The following LLGL2 variants were observed in gnomAD, a reference collection of about 807,000 sequenced individuals.
LLGL2 encodes LLGL scribble cell polarity complex component 2.
In LLGL2, 81 loss-of-function variants were observed where a neutral mutation model predicts 123.2. The ratio of observed to expected loss-of-function variants is 0.66; its 90% CI spans 0.55 to 0.79. LLGL2 has a LOEUF of 0.79. Among genes scored for constraint, LLGL2 ranks in the 30% least tolerant of loss-of-function variants. The pLI is 0.00. For missense variants in LLGL2, 1,273 were observed against 1,414.6 expected (o/e 0.90, Z 1.61); for synonymous variants, 577 against 594.1 (o/e 0.97, Z 0.42).
chr17:75,555,857 A>G (rs1272430607), intron 2 of LLGL2, among the ~76,000 whole-genome samples, 189 bp from the exon 3 acceptor site: 2 of 151,916 alleles, frequency 1.3e-5, no homozygotes, highest in Non-Finnish European at 2.9e-5. Flanking sequence ...CCAAGGGCAG[A>G]GTCACAAAGG....
intron 1 of LLGL2, among the ~76,000 whole-genome samples, chr17:75,537,683 C>T (rs2054056674): frequency 6.6e-6 from 1 of 150,940 alleles, no homozygotes; most frequent in Admixed American, 6.6e-5. Context: ...GGCGACAGAG[C>T]GAGACTCCAT....
At chr17:75,571,811 GTGCTCGGGCTGCCTGGGC>G in intron 18 of LLGL2, 28 bp downstream of exon 18, 1 of 1,603,234 alleles carries the variant, frequency 6.2e-7, no homozygotes, top group Non-Finnish European at 8.5e-7. Context: ...AGAGCAGAGG[GTGCTCGGGCTGCCTGGGC>G]TGGGTCCAGG....
chr17:75,550,381 A>T (rs1036867193), intron 2 of LLGL2, among the ~76,000 whole-genome samples: 2 of 146,096 alleles, frequency 1.4e-5, no homozygotes, highest in East Asian at 2.1e-4. Flanking sequence ...ACAAGGGGGG[A>T]GTCACCACCT....
At chr17:75,551,831 T>C (rs1024986649) in intron 2 of LLGL2, among the ~76,000 whole-genome samples, 1 of 152,190 alleles carries the variant, frequency 6.6e-6, no homozygotes, top group Non-Finnish European at 1.5e-5. Flanking sequence ...TGAAATTAAT[T>C]TTAATTATAT....
chr17:75,571,122 G>A lies in LLGL2; in HGVS notation c.2176+22G>A, dbSNP rs28520001. The stretch of plus-strand genomic sequence containing the variant: ...GACAGTGAGTGGCCAGCCTGGGGTT[G>A]GGGGGCAGGGGGTAGTGGGCAGCAG... On this transcript the variant is annotated intron_variant, in intron 17 of 25. Coordinates refer to ENST00000392550, the MANE Select transcript of LLGL2 (RefSeq NM_001031803.2). 157 of 1,583,240 alleles carry A rather than the reference G, an allele frequency of 9.9e-5. 1 individual carries two copies. The South Asian group carries it at 1.7e-3, about 17-fold the overall frequency.
In LLGL2 at chr17:75,573,163, G is replaced by A; in HGVS notation, c.2610G>A (p.Leu870=). 1 of 1,613,106 alleles carries A rather than the reference G, an allele frequency of 6.2e-7. No individual in the cohort carries two copies. The highest frequency in any genetic ancestry group is 8.5e-7 in the Non-Finnish European group (1 of 1,179,968). ...ACCACCTGGCAGTCCTTACCAACCT[G>A]GGCGACATCCAGGTGGTCTCGCTGC... ...GEHHLAVLTN[L]GDIQVVSLPL... Residue 870 remains leucine, a synonymous_variant, in exon 20 of 26, where the codon CTG becomes CTA. Transcript: ENST00000392550.
At chr17:75,551,001 T>G (rs2054648186) in intron 2 of LLGL2, among the ~76,000 whole-genome samples, 1 of 152,140 alleles carries the variant, frequency 6.6e-6, no homozygotes, top group African/African-American at 2.4e-5. Flanking sequence ...CTTGGGCTTC[T>G]CATAACTAAC....
chr17:75,534,920 A>G (rs1247493155), intron 1 of LLGL2, among the ~76,000 whole-genome samples: 1 of 152,186 alleles, frequency 6.6e-6, no homozygotes, highest in Non-Finnish European at 1.5e-5. Context: ...CCCTTTTACT[A>G]CTTAATTAAC....
chr17:75,554,893 A>C (rs1386783578), intron 2 of LLGL2, among the ~76,000 whole-genome samples: 2 of 149,570 alleles, frequency 1.3e-5, no homozygotes, highest in Non-Finnish European at 3.0e-5. Context: ...CGTCTCAAAA[A>C]AAAAAAAAAA....
Position 75,556,096 on chromosome 17 carries a change from G to A in LLGL2, c.126G>A (p.Pro42=), listed in dbSNP as rs146029134. The change falls in exon 3 of 26, where the codon CCG becomes CCA. Residue 42 remains proline, a synonymous_variant. Coordinates refer to ENST00000392550, the MANE Select transcript of LLGL2 (RefSeq NM_001031803.2). Reference sequence around the variant, plus strand: ...AGCCCAGCGCCCTCGGCTACAGCCCGTCCCTGCGCATCCTGGCCATCGGCA... The same window carrying A: ...AGCCCAGCGCCCTCGGCTACAGCCCATCCCTGCGCATCCTGGCCATCGGCA... ...PHQPSALGYS[P]SLRILAIGTR... is the part of the protein sequence containing the mutation. 307 of 1,610,256 alleles carry A rather than the reference G, an allele frequency of 1.9e-4. 1 individual carries two copies. Among genetic ancestry groups the A allele is most frequent in the African/African-American group, 1.6e-3 (123 of 75,058 alleles).
rs1443450549 is a variant in LLGL2 at position 75,570,946 on chromosome 17, G to T, written c.2026-4G>T. 1.2e-6 allele frequency: 2 copies of T among 1,605,022 alleles called. No homozygotes were observed. Among genetic ancestry groups the T allele is most frequent in the Non-Finnish European group, 1.7e-6 (2 of 1,175,330 alleles). ...TGACCCTTAGGCTGGCCCACCCCTT[G>T]CAGGCACAGGAGGGGAGTGCCAAGG... On this transcript the variant is annotated splice_polypyrimidine_tract_variant and splice_region_variant and intron_variant, in intron 16 of 25. Coordinates refer to ENST00000392550, the MANE Select transcript of LLGL2 (RefSeq NM_001031803.2).
rs1052446458 is a variant in LLGL2, at chr17:75,532,796, C to T, written c.-31+6971C>T. On this transcript the variant is annotated intron_variant, in intron 1 of 25. Transcript: ENST00000392550. ...GGGGTCCTGGAGCTTTGGTTAAAGG[C>T]AGGGTCCACAAGGGTATTCCGAACA... Among the ~76,000 whole-genome samples the T allele has an allele frequency of 2.0e-5, 3 of 152,170 alleles. No individual in the cohort carries two copies. The East Asian group carries it at 5.8e-4, about 29-fold the overall frequency.
chr17:75,568,483 C>T lies in LLGL2; in HGVS notation c.1044C>T (p.Asp348=), dbSNP rs576504796. ...CCTTGCCCTGTACCCCAGCCTTTGA[C>T]GACCCCTATGCCCTGGTGGTGCTGG... The part of the protein sequence containing the change: ...LTEADPAATF[D]DPYALVVLAE... The change falls in exon 11 of 26, where the codon GAC becomes GAT. Residue 348 remains aspartate, a synonymous_variant. Transcript: ENST00000392550. 1.6e-4 allele frequency: 252 copies of T among 1,612,342 alleles called. 3 individuals carry two copies. The South Asian group carries it at 2.3e-3, about 14-fold the overall frequency.
rs767945152 is a variant in LLGL2, at chr17:75,563,032, C to T, written c.547C>T (p.Arg183Cys). The T allele has an allele frequency of 7.4e-6, 12 of 1,612,398 alleles. No homozygotes were observed. The highest frequency in any genetic ancestry group is 6.7e-5 in the East Asian group (3 of 44,878). ...AVLQRLPEEA[R>C]HRRVFEMVEA... Reference sequence around the variant, plus strand: ...CTCGCCCAGGTTGCCAGAGGAGGCCCGCCACCGGCGTGTGTTCGAGATGGT... The same window carrying T: ...CTCGCCCAGGTTGCCAGAGGAGGCCTGCCACCGGCGTGTGTTCGAGATGGT... The change falls in exon 7 of 26, where the codon CGC becomes TGC. Residue 183 changes from arginine to cysteine, a missense_variant. Physicochemically the swap from Arg to Cys is radical, Grantham distance 180. Transcript: ENST00000392550.
chr17:75,568,627 C>T lies in LLGL2; in HGVS notation c.1188C>T (p.Ile396=). 1 of 1,613,950 alleles carries T rather than the reference C, an allele frequency of 6.2e-7. No individual in the cohort carries two copies. Among genetic ancestry groups the T allele is most frequent in the Non-Finnish European group, 8.5e-7 (1 of 1,180,018 alleles). The change falls in exon 11 of 26, where the codon ATC becomes ATT. Residue 396 remains isoleucine, a synonymous_variant. Transcript: ENST00000392550. ...AITCSHHVSN[I]PLKLWERIIA... Reference sequence around the variant, plus strand: ...CCTGCTCTCACCACGTCTCCAACATCCCGCTGAAGCTGTGGGAGCGGATCA... The same window carrying T: ...CCTGCTCTCACCACGTCTCCAACATTCCGCTGAAGCTGTGGGAGCGGATCA...
At chr17:75,562,028 A>G (rs1443870863) in intron 6 of LLGL2, among the ~76,000 whole-genome samples, 1 of 152,190 alleles carries the variant, frequency 6.6e-6, no homozygotes, top group South Asian at 2.1e-4. Context: ...TGTGCCAGAT[A>G]TAGATAATGT....
intron 1 of LLGL2, among the ~76,000 whole-genome samples, chr17:75,526,364 C>G (rs141206038): frequency 6.6e-6 from 1 of 152,250 alleles, no homozygotes; most frequent in Non-Finnish European, 1.5e-5. Flanking sequence ...CGGCCTTTCT[C>G]CAGCTGGGGC....
Position 75,564,655 on chromosome 17 carries a change from GA to G in LLGL2, c.1036+149del. The G allele has an allele frequency of 7.4e-7, 1 of 1,350,806 alleles. No individual in the cohort carries two copies. The highest frequency in any genetic ancestry group is 1.0e-6 in the Non-Finnish European group (1 of 1,003,678). The allele number at this position is 1,350,806 out of a possible 1,614,324, so 83.7% of individuals were successfully genotyped here. A position where few individuals can be genotyped will look rare whatever the true frequency, so the allele number is the denominator to read the frequency against. ...AGGTGGTAGGATCGCTTGAACCCAG[GA>G]GTTCAAGTCCAGCCTGGACAACGTA... is the stretch of plus-strand genomic sequence containing the variant. On this transcript the variant is annotated intron_variant, in intron 10 of 25. Transcript: ENST00000392550. The surrounding 1 kb of genome is among the most constrained non-coding windows in gnomAD (Gnocchi z 4.9).
chr17:75,558,031 G>T lies in LLGL2; in HGVS notation c.174-124G>T. On this transcript the variant is annotated intron_variant, in intron 3 of 25. Transcript: ENST00000392550. This position sits in a 1 kb window ranked among gnomAD's most constrained non-coding sequence, Gnocchi z 4.0. Reference sequence around the variant, plus strand: ...CTAGGCTCCATGCATGGGTCCTGCTGCCTCGGGGGAGGGCAGCCCCTCTCT... The same window carrying T: ...CTAGGCTCCATGCATGGGTCCTGCTTCCTCGGGGGAGGGCAGCCCCTCTCT... The T allele has an allele frequency of 1.1e-6, 1 of 933,844 alleles. No individual in the cohort carries two copies. Among genetic ancestry groups the T allele is most frequent in the Non-Finnish European group, 1.8e-6 (1 of 570,058 alleles). The allele number at this position is 933,844 out of a possible 1,614,324, so 57.8% of individuals were successfully genotyped here.
Sources: gnomAD v4.1 joint callset for allele counts (sites outside exome capture counted in the v4.1 genomes callset) on GRCh38, gnomAD v4.1.1 for gene constraint, Gnocchi (gnomAD v3.1) non-coding constraint, MANE v1.5 for transcripts, NCBI Gene and HGNC (gene_info 2026-07-23, HGNC 2026-07-21) for gene names.